The following TTLL11 variants were observed in gnomAD, a reference collection of about 807,000 sequenced individuals.
TTLL11 encodes tubulin tyrosine ligase like 11.
In TTLL11, 42 loss-of-function variants were observed where a neutral mutation model predicts 51.7. That is an observed-to-expected ratio of 0.81 (90% CI 0.64 to 1.05). The LOEUF (loss-of-function observed/expected upper bound fraction) is 1.05, where lower values mean the gene tolerates loss of function less well. Ranked by LOEUF, TTLL11 falls within the 50% of genes least tolerant of loss-of-function variation. TTLL11 has a pLI of 0.00. For synonymous variants in TTLL11, 381 were observed against 383.5 expected (o/e 0.99, Z 0.08); for missense variants, 799 against 940.4 (o/e 0.85, Z 1.97).
intron 6 of TTLL11, among the ~76,000 whole-genome samples, chr9:121,872,581 C>G (rs1172475134): frequency 6.6e-6 from 1 of 152,196 alleles, no homozygotes; most frequent in Non-Finnish European, 1.5e-5. Flanking sequence ...AATAGCGAAA[C>G]AACATGCGTG....
chr9:121,870,868 A>G, intron 6 of TTLL11, 120 bp from the exon 7 acceptor site: 4 of 1,178,974 alleles, frequency 3.4e-6, no homozygotes, highest in Admixed American at 2.9e-5. Context: ...AGACAGCAAG[A>G]CTGACCACAG....
At chr9:121,829,813 AC>A (rs1386161096) in intron 8 of TTLL11, among the ~76,000 whole-genome samples, 2 of 141,866 alleles carry the variant, frequency 1.4e-5, no homozygotes, top group African/African-American at 2.6e-5. Flanking sequence ...ACACACACAC[AC>A]CACACACACA....
At chr9:121,934,593 GTCTACAAA>G (rs1010228741) in intron 6 of TTLL11, among the ~76,000 whole-genome samples, 4 of 152,298 alleles carry the variant, frequency 2.6e-5, no homozygotes, top group Admixed American at 6.5e-5. Context: ...TCAGGAACAT[GTCTACAAA>G]TGTCCAAACC....
At chr9:122,044,373 C>T (rs1008333960) in intron 1 of TTLL11, among the ~76,000 whole-genome samples, 2 of 152,206 alleles carry the variant, frequency 1.3e-5, no homozygotes, top group East Asian at 3.9e-4. Flanking sequence ...GGTATATACC[C>T]AGTAATGGGA....
At chr9:121,903,673 C>T (rs1464886820) in intron 6 of TTLL11, among the ~76,000 whole-genome samples, 2 of 152,058 alleles carry the variant, frequency 1.3e-5, no homozygotes, top group Admixed American at 6.5e-5. Context: ...TTTTTATGCA[C>T]ATTATTTTTT....
intron 6 of TTLL11, among the ~76,000 whole-genome samples, chr9:121,905,384 C>T (rs1210556660): frequency 6.7e-6 from 1 of 149,616 alleles, no homozygotes. Context: ...CAGAGTCTTG[C>T]TTCGTCACCC....
intron 6 of TTLL11, among the ~76,000 whole-genome samples, chr9:121,918,575 G>T (rs559735855): frequency 1.1e-3 from 173 of 152,272 alleles, no homozygotes; most frequent in African/African-American, 4.0e-3. Flanking sequence ...GGACTGCAGG[G>T]CCAAGGCACT....
chr9:121,851,766 C>T (rs1255978844), intron 8 of TTLL11, among the ~76,000 whole-genome samples: 1 of 152,192 alleles, frequency 6.6e-6, no homozygotes, highest in African/African-American at 2.4e-5. Context: ...TGTTTTGCAA[C>T]AATAAAGTGT....
chr9:121,896,784 G>A (rs1564293910), intron 6 of TTLL11, among the ~76,000 whole-genome samples: 1 of 152,180 alleles, frequency 6.6e-6, no homozygotes, highest in Non-Finnish European at 1.5e-5. Context: ...AGATCATTTC[G>A]GAAACGATGC....
At chr9:121,951,749 G>A (rs912298809) in intron 6 of TTLL11, among the ~76,000 whole-genome samples, 26 of 152,220 alleles carry the variant, frequency 1.7e-4, no homozygotes, top group Non-Finnish European at 1.9e-4. Context: ...CGAGTAAAGT[G>A]AAAGCGAGTT....
intron 8 of TTLL11, among the ~76,000 whole-genome samples, chr9:121,852,742 G>T (rs1264693397): frequency 6.6e-6 from 1 of 152,218 alleles, no homozygotes; most frequent in Non-Finnish European, 1.5e-5. Context: ...GAGCGAGGGG[G>T]AGGTTGAGCC....
intron 6 of TTLL11, among the ~76,000 whole-genome samples, chr9:121,950,551 GAGGCC>G (rs1433048637): frequency 6.6e-6 from 1 of 152,182 alleles, no homozygotes; most frequent in Non-Finnish European, 1.5e-5. Flanking sequence ...AGTCTGACCT[GAGGCC>G]AGCAGGTGCC....
intron 3 of TTLL11, among the ~76,000 whole-genome samples, chr9:122,016,124 G>A (rs538801439): frequency 4.6e-5 from 7 of 152,146 alleles, no homozygotes; most frequent in Non-Finnish European, 7.3e-5. Flanking sequence ...AGCTAAGCAG[G>A]GGGTCCGAAA....
At chr9:122,075,121 T>C (rs1344919207) in intron 1 of TTLL11, among the ~76,000 whole-genome samples, 1 of 152,218 alleles carries the variant, frequency 6.6e-6, no homozygotes, top group East Asian at 1.9e-4. Context: ...ATATAAATAT[T>C]AATAACCAAC....
Position 121,822,670 on chromosome 9 carries a change from AG to A in TTLL11, c.2049del (p.Ser684ArgfsTer96). 3 of 1,414,264 alleles carry A rather than the reference AG, an allele frequency of 2.1e-6. No individual in the cohort carries two copies. The highest frequency in any genetic ancestry group is 2.8e-6 in the Non-Finnish European group (3 of 1,062,194). 87.6% of individuals were successfully genotyped at this position (1,414,264 alleles called of 1,614,324 possible). On this transcript the variant is annotated frameshift_variant, in exon 9 of 9. Transcript: ENST00000321582. LOFTEE classifies it low-confidence loss of function (END_TRUNC). This position sits in a 1 kb window ranked among gnomAD's most constrained non-coding sequence, Gnocchi z 5.8. Reference sequence around the variant, plus strand: ...GGGTTGTCCCCTGCTGGCTGGGCCGAGGGGGAGGGCTCCTGGGGAGGGCCAC... The same window carrying A: ...GGGTTGTCCCCTGCTGGCTGGGCCGAGGGGAGGGCTCCTGGGGAGGGCCAC... ...PHRGPPQEPSPSAQPAGDNPP... is the reference protein window; with the variant it reads ...PHRGPPQEPSXSAQPAGDNPP...
In TTLL11 at chr9:121,816,555, C is replaced by CGT. The variant is rs10639346; in HGVS notation, c.*6030_*6031dup. Reference sequence around the variant, plus strand: ...CTCAGTGTGTGTGTGTGCGTGCGCACGTGTGTGCATGCGTGTGCGTGTGTG... The same window carrying CGT: ...CTCAGTGTGTGTGTGTGCGTGCGCACGTGTGTGTGCATGCGTGTGCGTGTGTG... On this transcript the variant is annotated 3_prime_UTR_variant, in exon 9 of 9. Transcript: ENST00000321582. 101,368 of 150,440 alleles carry CGT rather than the reference C, an allele frequency of 0.67. 34,885 individuals are homozygous for CGT. Among genetic ancestry groups the CGT allele is most frequent in the African/African-American group, 0.83 (33,718 of 40,524 alleles). 9.3% of individuals were successfully genotyped at this position (150,440 alleles called of 1,614,324 possible).
intron 2 of TTLL11, among the ~76,000 whole-genome samples, chr9:122,035,016 T>C (rs911125740): frequency 4.6e-5 from 7 of 152,236 alleles, no homozygotes; most frequent in Admixed American, 4.6e-4. Context: ...ATTTTTCCGG[T>C]GTTCTATTGC....
intron 6 of TTLL11, among the ~76,000 whole-genome samples, chr9:121,921,035 C>A (rs1395274428): frequency 6.6e-6 from 1 of 152,218 alleles, no homozygotes; most frequent in Non-Finnish European, 1.5e-5. Flanking sequence ...TAAACTTAAT[C>A]TTTGTTAACA....
chr9:121,897,289 A>G (rs1009265416), intron 6 of TTLL11, among the ~76,000 whole-genome samples: 1 of 152,124 alleles, frequency 6.6e-6, no homozygotes, highest in African/African-American at 2.4e-5. Context: ...ACACAGGCCC[A>G]GAGAGGTTAA....
Sources: gnomAD v4.1 joint callset for allele counts (sites outside exome capture counted in the v4.1 genomes callset) on GRCh38, gnomAD v4.1.1 for gene constraint, Gnocchi (gnomAD v3.1) non-coding constraint, MANE v1.5 for transcripts, NCBI Gene and HGNC (gene_info 2026-07-23, HGNC 2026-07-21) for gene names.